The following ANTXR1 variants were observed in gnomAD, a reference collection of about 807,000 sequenced individuals.
ANTXR1 encodes the protein ANTXR cell adhesion molecule 1.
ANTXR1 carries 19 observed loss-of-function variants against 78.1 expected under a neutral mutation model. The ratio of observed to expected loss-of-function variants is 0.24; its 90% CI spans 0.17 to 0.36. The LOEUF (loss-of-function observed/expected upper bound fraction) is 0.36, where lower values mean the gene tolerates loss of function less well. Among genes scored for constraint, ANTXR1 ranks in the 10% least tolerant of loss-of-function variants. The probability of loss-of-function intolerance (pLI) is 1.00; values close to 1 mark genes in which losing one functional copy is unlikely to be tolerated. For missense variants in ANTXR1, 518 were observed against 718.6 expected, an observed-to-expected ratio of 0.72 and a Z score of 3.19; for synonymous variants, 273 against 260.5, an observed-to-expected ratio of 1.05 and a Z score of -0.46.
At chr2:69,055,068 C>G (rs531122789) in intron 3 of ANTXR1, among the ~76,000 whole-genome samples, 2 of 152,248 alleles carry the variant, frequency 1.3e-5, no homozygotes, top group African/African-American at 4.8e-5. Flanking sequence ...ACAATGCAGG[C>G]ACATAGTAAG....
At chr2:69,139,816 G>A (rs1673021989) in intron 12 of ANTXR1, among the ~76,000 whole-genome samples, 1 of 152,068 alleles carries the variant, frequency 6.6e-6, no homozygotes, top group Non-Finnish European at 1.5e-5. Context: ...TAAATAAATG[G>A]CTACATTAAC....
intron 17 of ANTXR1, among the ~76,000 whole-genome samples, chr2:69,233,021 G>A (rs1224052296): frequency 6.6e-6 from 1 of 152,060 alleles, no homozygotes; most frequent in Non-Finnish European, 1.5e-5. Context: ...CTAAAATCTT[G>A]ATGAATTATT....
At chr2:69,048,776 G>A (rs1225051587) in intron 3 of ANTXR1, among the ~76,000 whole-genome samples, 1 of 151,696 alleles carries the variant, frequency 6.6e-6, no homozygotes, top group Non-Finnish European at 1.5e-5. Context: ...TCTAATCTTG[G>A]GTGAAAATCT....
intron 17 of ANTXR1, among the ~76,000 whole-genome samples, chr2:69,224,787 ACTCT>A (rs963423990): frequency 7.2e-5 from 11 of 151,832 alleles, no homozygotes; most frequent in Admixed American, 2.0e-4. Flanking sequence ...TCTCAACTCC[ACTCT>A]CTGTTACAAA....
chr2:69,081,171 G>A (rs977035896), intron 8 of ANTXR1, among the ~76,000 whole-genome samples: 2 of 152,220 alleles, frequency 1.3e-5, no homozygotes, highest in African/African-American at 4.8e-5. Context: ...AGGAAACTGA[G>A]GTGCAAGAAG....
At chr2:69,143,384 G>T (rs1264530390) in intron 12 of ANTXR1, among the ~76,000 whole-genome samples, 1 of 152,182 alleles carries the variant, frequency 6.6e-6, no homozygotes, top group Non-Finnish European at 1.5e-5. Flanking sequence ...TTTTCAACTT[G>T]GGCTGATAAG....
chr2:69,024,223 A>G (rs947373314), intron 1 of ANTXR1, among the ~76,000 whole-genome samples: 2 of 152,210 alleles, frequency 1.3e-5, no homozygotes, highest in Non-Finnish European at 2.9e-5. Context: ...TGGTGTGGAC[A>G]TGCTGAGTCT....
chr2:69,054,402 G>A (rs1219234279), intron 3 of ANTXR1, among the ~76,000 whole-genome samples: 2 of 152,152 alleles, frequency 1.3e-5, no homozygotes, highest in African/African-American at 4.8e-5. Flanking sequence ...GTTCCCCGAG[G>A]CAGCCTATGC....
intron 3 of ANTXR1, among the ~76,000 whole-genome samples, chr2:69,053,111 A>G (rs1669971100): frequency 6.6e-6 from 1 of 152,144 alleles, no homozygotes; most frequent in Non-Finnish European, 1.5e-5. Flanking sequence ...ATATTTTCTC[A>G]AATTCCTAAA....
chr2:69,107,791 AATTC>A (rs1159672711), intron 10 of ANTXR1, among the ~76,000 whole-genome samples: 1 of 152,238 alleles, frequency 6.6e-6, no homozygotes. Flanking sequence ...AAGATATTAA[AATTC>A]ATTATCTGTT....
At chr2:69,168,661 A>G (rs1276780464) in intron 13 of ANTXR1, among the ~76,000 whole-genome samples, 2 of 152,060 alleles carry the variant, frequency 1.3e-5, no homozygotes, top group African/African-American at 2.4e-5. Flanking sequence ...CCCTCCCTCC[A>G]GTTTCCAGAC....
At position 69,145,388 on chromosome 2, in the gene ANTXR1, G is replaced by T. The variant is rs367559074; in HGVS notation, c.952-6781G>T. 8 of 1,591,802 alleles carry T rather than the reference G, an allele frequency of 5.0e-6. No homozygotes were observed. The Admixed American group carries it at 1.0e-4, about 21-fold the overall frequency. On this transcript the variant is annotated intron_variant, in intron 12 of 17. Coordinates refer to ENST00000303714, the MANE Select transcript of ANTXR1 (RefSeq NM_032208.3). ...CTTGCATGGAATAGCAGAGAATACC[G>T]CCTGCTCCCTCCGGACAGCACACTC...
intron 17 of ANTXR1, among the ~76,000 whole-genome samples, chr2:69,221,683 CA>C (rs200296772): frequency 0.078 from 6,228 of 80,354 alleles, 334 homozygotes; most frequent in African/African-American, 0.19. Context: ...TTCCCCACTA[CA>C]AAAAAAAAAA....
chr2:69,171,862 G>A (rs1673995016), intron 14 of ANTXR1, among the ~76,000 whole-genome samples: 1 of 152,216 alleles, frequency 6.6e-6, no homozygotes, highest in Non-Finnish European at 1.5e-5. Flanking sequence ...AGAAGTAGTT[G>A]AGTTTTTTCT....
intron 16 of ANTXR1, among the ~76,000 whole-genome samples, chr2:69,189,098 T>C (rs1161656672): frequency 6.6e-6 from 1 of 152,238 alleles, no homozygotes; most frequent in Non-Finnish European, 1.5e-5. Flanking sequence ...CTACCTGTTG[T>C]AGGAGTAGAA....
At chr2:69,145,718 A>G (rs1024044861) in intron 12 of ANTXR1, 15 of 1,081,376 alleles carry the variant, frequency 1.4e-5, no homozygotes, top group African/African-American at 4.9e-5. Flanking sequence ...GGCTCCCACT[A>G]ATTCCTCTCC....
chr2:69,161,119 C>T (rs1460160994), intron 13 of ANTXR1, among the ~76,000 whole-genome samples: 2 of 152,234 alleles, frequency 1.3e-5, no homozygotes, highest in African/African-American at 4.8e-5. Flanking sequence ...CCAGAGGCTG[C>T]TCCTTCAAGC....
chr2:69,235,964 G>T (rs1305229505), intron 17 of ANTXR1, among the ~76,000 whole-genome samples: 1 of 152,130 alleles, frequency 6.6e-6, no homozygotes, highest in African/African-American at 2.4e-5. Flanking sequence ...CTTACATGGC[G>T]ACAGGTGAGA....
At chr2:69,213,829 C>A (rs1366513112) in intron 17 of ANTXR1, among the ~76,000 whole-genome samples, 1 of 152,260 alleles carries the variant, frequency 6.6e-6, no homozygotes, top group African/African-American at 2.4e-5. Context: ...CGCCAGGAGG[C>A]CTGGGTTCCA....
Sources: allele counts gnomAD v4.1 joint callset (sites outside exome capture counted in the v4.1 genomes callset), GRCh38; gene constraint gnomAD v4.1.1; transcripts MANE v1.5; gene names NCBI Gene and HGNC (gene_info 2026-07-23, HGNC 2026-07-21).